FHIT: variants seen among roughly 807,000 people sequenced by gnomAD.
The protein encoded by FHIT is fragile histidine triad diadenosine triphosphatase, also known as bis(5'-adenosyl)-triphosphatase.
Under a neutral mutation model 17.9 loss-of-function variants are expected in FHIT, and 19 were observed. The ratio of observed to expected loss-of-function variants is 1.06; its 90% CI spans 0.74 to 1.56. FHIT has a LOEUF of 1.56. FHIT is among the 40% of genes most tolerant of loss of function. FHIT has a pLI of 0.00. For missense variants in FHIT, 248 were observed against 189.2 expected (o/e 1.31, Z -1.82); for synonymous variants, 81 against 69.7 (o/e 1.16, Z -0.81).
At chr3:60,209,934 G>C (rs1257827291) in intron 5 of FHIT, among the ~76,000 whole-genome samples, 1 of 152,046 alleles carries the variant, frequency 6.6e-6, no homozygotes, top group African/African-American at 2.4e-5. Flanking sequence ...GGGCCTGTTG[G>C]GGGTGGAGGG....
At chr3:60,495,642 G>C (rs142518667) in intron 5 of FHIT, among the ~76,000 whole-genome samples, 2,516 of 152,124 alleles carry the variant, frequency 0.017, 28 homozygotes, top group Non-Finnish European at 0.024. Context: ...GCATCAGTAT[G>C]TCAAATTTCC....
intron 4 of FHIT, among the ~76,000 whole-genome samples, chr3:60,658,426 C>T (rs2040166386): frequency 6.6e-6 from 1 of 151,928 alleles, no homozygotes; most frequent in South Asian, 2.1e-4. Context: ...CATTTAAATT[C>T]CTTTCTCATT....
rs886166843 is a variant in FHIT, at chr3:60,865,950, T to A, written c.-110-43939A>T. ...TTGCACACAATTGTAGATTTTTTTT[T>A]AAATGGTCAAAATCCTCCTGTTCTA... On this transcript the variant is annotated intron_variant, in intron 3 of 9. Coordinates refer to ENST00000492590, the MANE Select transcript of FHIT (RefSeq NM_002012.4). Among the ~76,000 whole-genome samples, 5 of 152,110 alleles carry A rather than the reference T, an allele frequency of 3.3e-5. 1 individual carries two copies. The highest frequency in any genetic ancestry group is 2.6e-4 in the Admixed American group (4 of 15,254).
At chr3:60,367,241 GA>G (rs1700143837) in intron 5 of FHIT, among the ~76,000 whole-genome samples, 1 of 152,034 alleles carries the variant, frequency 6.6e-6, no homozygotes, top group African/African-American at 2.4e-5. Flanking sequence ...ATGCTGCCTG[GA>G]CATTCAAACC....
At chr3:60,183,228 T>C (rs775720652) in intron 5 of FHIT, among the ~76,000 whole-genome samples, 41 of 152,092 alleles carry the variant, frequency 2.7e-4, no homozygotes, top group Non-Finnish European at 5.1e-4. Context: ...TGAAAATCCA[T>C]CTCTACTAAA....
intron 4 of FHIT, among the ~76,000 whole-genome samples, chr3:60,565,435 T>C (rs1249691468): frequency 1.3e-5 from 2 of 152,206 alleles, no homozygotes; most frequent in South Asian, 2.1e-4. Flanking sequence ...TTTCCGTTAA[T>C]GGAGAATGCT....
At chr3:60,692,653 G>GC (rs1228477297) in intron 4 of FHIT, among the ~76,000 whole-genome samples, 4 of 152,088 alleles carry the variant, frequency 2.6e-5, no homozygotes, top group Non-Finnish European at 5.9e-5. Flanking sequence ...TAACATCTTA[G>GC]CCCACTAATA....
At chr3:59,767,351 T>C (rs781599350) in intron 8 of FHIT, among the ~76,000 whole-genome samples, 5 of 151,978 alleles carry the variant, frequency 3.3e-5, no homozygotes, top group Admixed American at 6.6e-5. Context: ...ATGCAAAAAT[T>C]AGCCAGGTGG....
chr3:60,746,562 C>T (rs756852460), intron 4 of FHIT, among the ~76,000 whole-genome samples: 9 of 152,004 alleles, frequency 5.9e-5, no homozygotes, highest in Non-Finnish European at 1.3e-4. Flanking sequence ...ATCAGTCACA[C>T]TGGACTTTTG....
At chr3:60,526,436 G>A (rs1206379242) in intron 5 of FHIT, among the ~76,000 whole-genome samples, 2 of 152,104 alleles carry the variant, frequency 1.3e-5, no homozygotes, top group African/African-American at 2.4e-5. Context: ...AGTGGTGCCT[G>A]CCTCCTACTC....
chr3:61,029,711 G>T (rs1459727576), intron 3 of FHIT, among the ~76,000 whole-genome samples: 1 of 152,116 alleles, frequency 6.6e-6, no homozygotes, highest in African/African-American at 2.4e-5. Context: ...AGAAGCAAAG[G>T]AATTTTTTTT....
intron 2 of FHIT, among the ~76,000 whole-genome samples, chr3:61,131,486 A>G (rs1374623817): frequency 2.0e-5 from 3 of 152,164 alleles, no homozygotes; most frequent in Non-Finnish European, 4.4e-5. Flanking sequence ...GTCTCCCCAT[A>G]CTTCCACCAC....
At chr3:60,009,681 C>T (rs755887177) in intron 7 of FHIT, among the ~76,000 whole-genome samples, 6 of 152,226 alleles carry the variant, frequency 3.9e-5, no homozygotes, top group Admixed American at 6.5e-5. Flanking sequence ...CATTTTAAAA[C>T]GTACAATTCA....
intron 5 of FHIT, among the ~76,000 whole-genome samples, chr3:60,506,531 C>G (rs966376981): frequency 3.3e-5 from 5 of 152,190 alleles, no homozygotes; most frequent in African/African-American, 1.2e-4. Context: ...TTATTCTCCT[C>G]TTCTCCTACA....
intron 5 of FHIT, among the ~76,000 whole-genome samples, chr3:60,146,912 T>C (rs1700266671): frequency 1.3e-5 from 2 of 152,236 alleles, no homozygotes; most frequent in South Asian, 4.1e-4. Flanking sequence ...ATAAAGAAGC[T>C]GTCTTCAGTT....
intron 4 of FHIT, among the ~76,000 whole-genome samples, chr3:60,610,247 G>A (rs2038743933): frequency 6.6e-6 from 1 of 152,160 alleles, no homozygotes; most frequent in South Asian, 2.1e-4. Context: ...TAAGTTTCCA[G>A]ATGTACCCAC....
chr3:60,457,927 G>A (rs1020457550), intron 5 of FHIT, among the ~76,000 whole-genome samples: 5 of 152,076 alleles, frequency 3.3e-5, no homozygotes, highest in African/African-American at 1.2e-4. Flanking sequence ...AAAAAGTCAG[G>A]AAACAACAGG....
At chr3:59,918,086 G>A (rs12630613) in intron 8 of FHIT, among the ~76,000 whole-genome samples, 14,074 of 152,232 alleles carry the variant, frequency 0.092, 872 homozygotes, top group East Asian at 0.35. Flanking sequence ...ATGGCTGATG[G>A]CACCATGTCG....
At chr3:60,137,347 C>G (rs1019954248) in intron 5 of FHIT, among the ~76,000 whole-genome samples, 1 of 152,164 alleles carries the variant, frequency 6.6e-6, no homozygotes, top group South Asian at 2.1e-4. Flanking sequence ...CAGGAACACA[C>G]AATGCATTTT....
Sources: gnomAD v4.1 joint callset for allele counts (sites outside exome capture counted in the v4.1 genomes callset) on GRCh38, gnomAD v4.1.1 for gene constraint, MANE v1.5 for transcripts, NCBI Gene and HGNC (gene_info 2026-07-23, HGNC 2026-07-21) for gene names.